The following MDGA2 variants were observed in gnomAD, a reference collection of about 807,000 sequenced individuals.
The protein encoded by MDGA2 is MAM domain containing glycosylphosphatidylinositol anchor 2, also known as MAM domain-containing glycosylphosphatidylinositol anchor protein 2.
Under a neutral mutation model 117.8 loss-of-function variants are expected in MDGA2, and 40 were observed. That is an observed-to-expected ratio of 0.34 (90% CI 0.26 to 0.44). MDGA2 has a LOEUF of 0.44. Ranked by LOEUF, MDGA2 falls within the 20% of genes least tolerant of loss-of-function variation. The pLI, the probability that MDGA2 is intolerant of heterozygous loss-of-function variation, is 1.00. For synonymous variants in MDGA2, 452 were observed against 439.0 expected, an observed-to-expected ratio of 1.03 and a Z score of -0.37; for missense variants, 1,123 against 1,250.6, an observed-to-expected ratio of 0.90 and a Z score of 1.54.
chr14:47,279,670 A>G (rs1332905383), intron 2 of MDGA2, among the ~76,000 whole-genome samples: 1 of 151,988 alleles, frequency 6.6e-6, no homozygotes, highest in East Asian at 1.9e-4. Context: ...AAAAAAAATC[A>G]TGTTTTCCTC....
At chr14:47,638,669 A>T (rs1172948380) in intron 1 of MDGA2, among the ~76,000 whole-genome samples, 1 of 152,138 alleles carries the variant, frequency 6.6e-6, no homozygotes, top group East Asian at 1.9e-4. Context: ...TCTTTGCATC[A>T]TCTCCTACCC....
At chr14:47,127,796 CA>C (rs1409057033) in intron 5 of MDGA2, among the ~76,000 whole-genome samples, 1 of 151,880 alleles carries the variant, frequency 6.6e-6, no homozygotes, top group Non-Finnish European at 1.5e-5. Flanking sequence ...TTTTCTAAGC[CA>C]AATTTTTTTT....
chr14:47,451,360 GA>G (rs1893237297), intron 1 of MDGA2, among the ~76,000 whole-genome samples: 1 of 135,392 alleles, frequency 7.4e-6, no homozygotes, highest in Non-Finnish European at 1.6e-5. Context: ...AGAATGTTTT[GA>G]TTTTTTTTCC....
intron 10 of MDGA2, among the ~76,000 whole-genome samples, chr14:46,918,875 C>T (rs1595043995): frequency 6.6e-6 from 1 of 151,400 alleles, no homozygotes; most frequent in South Asian, 2.1e-4. Flanking sequence ...CATTCTCCTG[C>T]CTCAGCCTCC....
chr14:47,638,271 G>T (rs954145083), intron 1 of MDGA2, among the ~76,000 whole-genome samples: 2 of 152,130 alleles, frequency 1.3e-5, no homozygotes, highest in Admixed American at 1.3e-4. Context: ...TGAGCAGTAG[G>T]AGTAACAGGC....
chr14:47,628,714 G>A (rs547199879), intron 1 of MDGA2, among the ~76,000 whole-genome samples: 5 of 152,250 alleles, frequency 3.3e-5, no homozygotes, highest in East Asian at 3.9e-4. Context: ...GAAATATGAC[G>A]GATACTATGA....
At chr14:47,291,154 A>G (rs1323609693) in intron 2 of MDGA2, among the ~76,000 whole-genome samples, 1 of 152,182 alleles carries the variant, frequency 6.6e-6, no homozygotes, top group Admixed American at 6.5e-5. Flanking sequence ...TGAAAGCTGG[A>G]CTTGCTGCTG....
At chr14:47,018,639 T>G (rs1888167459) in intron 8 of MDGA2, among the ~76,000 whole-genome samples, 2 of 143,246 alleles carry the variant, frequency 1.4e-5, no homozygotes, top group South Asian at 4.6e-4. Context: ...AAGCAAGAGA[T>G]TCACAGGAGA....
At chr14:47,589,878 C>T (rs190288252) in intron 1 of MDGA2, among the ~76,000 whole-genome samples, 176 of 151,996 alleles carry the variant, frequency 1.2e-3, no homozygotes, top group African/African-American at 4.1e-3. Context: ...ACAAATCTTG[C>T]ACTTTTGTGA....
intron 8 of MDGA2, among the ~76,000 whole-genome samples, chr14:46,981,973 T>C (rs1037188695): frequency 6.6e-6 from 1 of 152,200 alleles, no homozygotes; most frequent in Non-Finnish European, 1.5e-5. Context: ...TATCATCAGT[T>C]CAACTTAGAG....
At chr14:47,041,905 AAT>A (rs1460649705) in intron 7 of MDGA2, among the ~76,000 whole-genome samples, 2 of 152,086 alleles carry the variant, frequency 1.3e-5, no homozygotes, top group Non-Finnish European at 2.9e-5. Context: ...TTGGTTTAAA[AAT>A]ATGACTGTAG....
chr14:47,206,849 C>A (rs2139462774), intron 3 of MDGA2, among the ~76,000 whole-genome samples: 1 of 151,946 alleles, frequency 6.6e-6, no homozygotes, highest in South Asian at 2.1e-4. Context: ...TATTATTGCA[C>A]CACTGTACTC....
intron 9 of MDGA2, among the ~76,000 whole-genome samples, chr14:46,940,159 A>ATGT (rs1443560926): frequency 8.6e-5 from 13 of 151,918 alleles, no homozygotes. Context: ...CATATTTGCT[A>ATGT]TATCACTATT....
intron 1 of MDGA2, among the ~76,000 whole-genome samples, chr14:47,392,407 T>C (rs1022405654): frequency 5.9e-5 from 9 of 152,156 alleles, no homozygotes; most frequent in African/African-American, 2.2e-4. Flanking sequence ...TTGACCCACA[T>C]AAAAATTTTG....
intron 5 of MDGA2, among the ~76,000 whole-genome samples, chr14:47,110,199 C>T (rs1165248475): frequency 6.6e-6 from 1 of 151,970 alleles, no homozygotes; most frequent in Non-Finnish European, 1.5e-5. Flanking sequence ...TGTTTGCACT[C>T]CTTTGTACTT....
In MDGA2 at chr14:47,420,830, T is replaced by TTAATAA. The variant is rs10656098; in HGVS notation, c.281-119286_281-119281dup. Among the ~76,000 whole-genome samples the TTAATAA allele has an allele frequency of 5.5e-3, 832 of 150,556 alleles. 10 individuals carry two copies. Among genetic ancestry groups the TTAATAA allele is most frequent in the African/African-American group, 0.019 (768 of 40,982 alleles). On this transcript the variant is annotated intron_variant, in intron 1 of 16. Transcript: ENST00000399232. ...AATAAAGAGAGAGAAAAAGAGTAAG[T>TTAATAA]TAATAATAATAATAATAAAGCATCG...
chr14:46,959,785 C>T (rs1018197821), intron 8 of MDGA2, among the ~76,000 whole-genome samples: 1 of 152,164 alleles, frequency 6.6e-6, no homozygotes, highest in Non-Finnish European at 1.5e-5. Context: ...TTGCAACATG[C>T]ATACTTAAGT....
At chr14:47,580,492 A>G (rs1243558616) in intron 1 of MDGA2, among the ~76,000 whole-genome samples, 3 of 152,044 alleles carry the variant, frequency 2.0e-5, no homozygotes, top group Non-Finnish European at 4.4e-5. Flanking sequence ...CACAGCAATG[A>G]GTCTTTACAA....
At chr14:46,863,627 T>C (rs1230559176) in intron 14 of MDGA2, among the ~76,000 whole-genome samples, 1 of 152,192 alleles carries the variant, frequency 6.6e-6, no homozygotes, top group Non-Finnish European at 1.5e-5. Flanking sequence ...CTATTAATTA[T>C]ACTGAAAATT....
Sources: gnomAD v4.1 joint callset for allele counts (sites outside exome capture counted in the v4.1 genomes callset) on GRCh38, gnomAD v4.1.1 for gene constraint, MANE v1.5 for transcripts, NCBI Gene and HGNC (gene_info 2026-07-23, HGNC 2026-07-21) for gene names.